The following ADAMTS5 variants were observed in gnomAD, a reference collection of about 807,000 sequenced individuals.
ADAMTS5 encodes the protein ADAM metallopeptidase with thrombospondin type 1 motif 5, also known as A disintegrin and metalloproteinase with thrombospondin motifs 5.
Under a neutral mutation model 81.4 loss-of-function variants are expected in ADAMTS5, and 54 were observed. The ratio of observed to expected loss-of-function variants is 0.66; its 90% confidence interval spans 0.53 to 0.83. The LOEUF (loss-of-function observed/expected upper bound fraction) is 0.83. ADAMTS5 is among the 40% of genes least tolerant of loss of function. The pLI is 0.00. For missense variants in ADAMTS5, 1,194 were observed against 1,229.9 expected, an observed-to-expected ratio of 0.97 and a Z score of 0.44; for synonymous variants, 532 against 508.8, an observed-to-expected ratio of 1.05 and a Z score of -0.61.
chr21:26,948,302 A>T (rs1210892892), intron 2 of ADAMTS5, among the ~76,000 whole-genome samples: 1 of 152,174 alleles, frequency 6.6e-6, no homozygotes, highest in African/African-American at 2.4e-5. Context: ...TGCAAATTAA[A>T]CAGAATTTCA....
chr21:26,952,809 C>G (rs1987346997), intron 2 of ADAMTS5, among the ~76,000 whole-genome samples: 1 of 152,326 alleles, frequency 6.6e-6, no homozygotes, highest in African/African-American at 2.4e-5. Context: ...TCTTATGGGA[C>G]TCCTCTCACT....
chr21:26,965,082 A>G (rs1364303399), intron 1 of ADAMTS5, among the ~76,000 whole-genome samples: 1 of 152,186 alleles, frequency 6.6e-6, no homozygotes, highest in Non-Finnish European at 1.5e-5. Flanking sequence ...CACCTAAGCA[A>G]GTCTTGGCAT....
At position 26,965,390 on chromosome 21, in the gene ADAMTS5, A is replaced by G. The variant is rs1417594752; in HGVS notation, c.1002T>C (p.Ala334=). The G allele has an allele frequency of 1.2e-6, 2 of 1,614,248 alleles. No homozygotes were observed. Among genetic ancestry groups the G allele is most frequent in the Admixed American group, 3.3e-5 (2 of 60,034 alleles). ...KDKSLEVSKN[A]ATTLKNFCKW... The stretch of plus-strand genomic sequence containing the variant: ...TGCAAAAGTTCTTGAGTGTGGTGGC[A>G]GCGTTCTTGCTCACTTCCAGGCTCT... The change falls in exon 1 of 8, where the codon GCT becomes GCC. Residue 334 remains alanine, a synonymous_variant. Transcript: ENST00000284987.
chr21:26,965,721 G>A lies in ADAMTS5; in HGVS notation c.671C>T (p.Ala224Val), dbSNP rs1372327491. 3 of 1,588,036 alleles carry A rather than the reference G, an allele frequency of 1.9e-6. No homozygotes were observed. Among genetic ancestry groups the A allele is most frequent in the Non-Finnish European group, 2.6e-6 (3 of 1,168,790 alleles). The change falls in exon 1 of 8, where the codon GCG (alanine) becomes GTG (valine). Residue 224 changes from alanine to valine, a missense_variant. Ala to Val is a moderately conservative substitution (Grantham distance 64). Around this residue, in one of 2 missense-constraint regions of ADAMTS5, gnomAD observed 498 missense variants for 412.3 expected, o/e 1.21. Coordinates refer to ENST00000284987, the MANE Select transcript of ADAMTS5 (RefSeq NM_007038.5). ...TGCGCGTCCGCTCGGGTTGCTGTGC[G>A]CCGGAGCATGCTCGTGGGCCTCCGG... is the stretch of plus-strand genomic sequence containing the variant. ...STPEAHEHAP[A>V]HSNPSGRAAL...
chr21:26,946,054 G>A (rs1453684465), intron 2 of ADAMTS5, among the ~76,000 whole-genome samples: 6 of 152,150 alleles, frequency 3.9e-5, no homozygotes, highest in Non-Finnish European at 8.8e-5. Context: ...AGAGTCCTGG[G>A]CAATGTGAAG....
At chr21:26,950,020 A>G (rs1987288792) in intron 2 of ADAMTS5, among the ~76,000 whole-genome samples, 1 of 152,110 alleles carries the variant, frequency 6.6e-6, no homozygotes, top group Non-Finnish European at 1.5e-5. Context: ...TTTTAACCAC[A>G]CCAAAACACA....
At chr21:26,932,275 A>T (rs1015890536) in intron 5 of ADAMTS5, 96 bp from the exon 6 acceptor site, 9 of 1,369,744 alleles carry the variant, frequency 6.6e-6, no homozygotes, top group Non-Finnish European at 7.8e-6. Flanking sequence ...GGAAGATGCA[A>T]ACGTGTTTTT....
intron 3 of ADAMTS5, among the ~76,000 whole-genome samples, chr21:26,940,935 G>A (rs1017720359): frequency 6.6e-6 from 1 of 152,098 alleles, no homozygotes; most frequent in African/African-American, 2.4e-5. Flanking sequence ...AAGTTATTAA[G>A]TTATTTCAAT....
intron 7 of ADAMTS5, among the ~76,000 whole-genome samples, chr21:26,924,918 T>C (rs1986779810): frequency 6.6e-6 from 1 of 152,184 alleles, no homozygotes; most frequent in Non-Finnish European, 1.5e-5. Context: ...ATACAACCAT[T>C]TTCATCCTTA....
intron 1 of ADAMTS5, among the ~76,000 whole-genome samples, chr21:26,961,218 A>C (rs1027904932): frequency 1.3e-5 from 2 of 152,246 alleles, no homozygotes; most frequent in Non-Finnish European, 2.9e-5. Context: ...GAATTCTGTC[A>C]AGATAATTAC....
intron 3 of ADAMTS5, among the ~76,000 whole-genome samples, chr21:26,942,962 T>C (rs1987141560): frequency 6.6e-6 from 1 of 152,128 alleles, no homozygotes; most frequent in Non-Finnish European, 1.5e-5. Flanking sequence ...TCCAGTAGAA[T>C]TGTCACCTAC....
intron 2 of ADAMTS5, 80 bp downstream of exon 2, chr21:26,954,659 T>G: frequency 6.4e-7 from 1 of 1,558,920 alleles, no homozygotes; most frequent in East Asian, 2.3e-5. Flanking sequence ...AATCTGGAAT[T>G]AATTGCTAAG....
At chr21:26,931,281 G>A (rs1367588148) in intron 6 of ADAMTS5, among the ~76,000 whole-genome samples, 1 of 152,094 alleles carries the variant, frequency 6.6e-6, no homozygotes, top group Non-Finnish European at 1.5e-5. Flanking sequence ...TCCTGACCTT[G>A]TGATCTGCCC....
chr21:26,955,510 T>A (rs956831035), intron 1 of ADAMTS5, among the ~76,000 whole-genome samples: 30 of 152,188 alleles, frequency 2.0e-4, no homozygotes, highest in African/African-American at 4.8e-4. Context: ...TGTGTATACA[T>A]GAATATATGC....
At chr21:26,947,225 A>G (rs1987231793) in intron 2 of ADAMTS5, among the ~76,000 whole-genome samples, 1 of 152,194 alleles carries the variant, frequency 6.6e-6, no homozygotes, top group African/African-American at 2.4e-5. Context: ...TTTCACCTAA[A>G]ACCCTGAGGC....
chr21:26,938,687 GC>G (rs2123181079), intron 3 of ADAMTS5, among the ~76,000 whole-genome samples: 1 of 152,142 alleles, frequency 6.6e-6, no homozygotes, highest in South Asian at 2.1e-4. Flanking sequence ...GCGCCAACAT[GC>G]CCAACTGATT....
At chr21:26,951,293 C>A (rs1987311339) in intron 2 of ADAMTS5, among the ~76,000 whole-genome samples, 1 of 152,070 alleles carries the variant, frequency 6.6e-6, no homozygotes, top group Admixed American at 6.6e-5. Flanking sequence ...GCCTGGGAAT[C>A]TCTCCTAGCT....
chr21:26,930,699 T>C (rs1986891327), intron 6 of ADAMTS5, among the ~76,000 whole-genome samples: 1 of 152,204 alleles, frequency 6.6e-6, no homozygotes, highest in African/African-American at 2.4e-5. Flanking sequence ...AAACAGTGTG[T>C]ATATAGATTG....
intron 3 of ADAMTS5, 49 bp from the exon 4 acceptor site, chr21:26,934,798 C>T (rs1441341207): frequency 6.3e-7 from 1 of 1,591,266 alleles, no homozygotes; most frequent in Admixed American, 1.7e-5. Context: ...AGGTTTCAAA[C>T]CGCTAAAATC....
Sources: gnomAD v4.1 joint callset for allele counts (sites outside exome capture counted in the v4.1 genomes callset) on GRCh38, gnomAD v4.1.1 for gene constraint, gnomAD v4.1.1 regional missense constraint, MANE v1.5 for transcripts, NCBI Gene and HGNC (gene_info 2026-07-23, HGNC 2026-07-21) for gene names.